Variants in SYS1 observed in about 807,000 individuals in gnomAD.
The protein encoded by SYS1 is protein SYS1 homolog.
In SYS1, 8 loss-of-function variants were observed where a neutral mutation model predicts 17.8. That is an observed-to-expected ratio of 0.45 (90% CI 0.26 to 0.81). The LOEUF is 0.81. SYS1 is among the 40% of genes least tolerant of loss of function. SYS1 has a pLI of 0.16. For synonymous variants in SYS1, 95 were observed against 90.9 expected, an observed-to-expected ratio of 1.05 and a Z score of -0.26; for missense variants, 161 against 203.9, an observed-to-expected ratio of 0.79 and a Z score of 1.28.
At chr20:45,369,422 G>A (rs1436737283), downstream of SYS1, among the ~76,000 whole-genome samples, 13 of 152,062 alleles carry the variant, frequency 8.5e-5, no homozygotes. Context: ...AGTAGTTAGG[G>A]ATGTATAAGT....
chr20:45,373,584 G>A (rs1190329546), downstream of SYS1: 2 of 398,352 alleles, frequency 5.0e-6, no homozygotes, highest in South Asian at 3.1e-5. Context: ...GCCTGGGCAA[G>A]TTACTTGCTG....
Position 45,367,964 on chromosome 20 carries a change from A to G in SYS1, c.*849A>G. 1.0e-6 allele frequency: 1 copy of G among 985,422 alleles called. No individual in the cohort carries two copies. Among genetic ancestry groups the G allele is most frequent in the Non-Finnish European group, 1.2e-6 (1 of 829,924 alleles). 61.0% of individuals were successfully genotyped at this position (985,422 alleles called of 1,614,324 possible). ...CGGGAAGGGTATGATGGGTTCCCAGAGACAAGAAGCCCAACCTTCTGGCCT... is the reference window on the plus strand; with the variant it reads ...CGGGAAGGGTATGATGGGTTCCCAGGGACAAGAAGCCCAACCTTCTGGCCT... On this transcript the variant is annotated 3_prime_UTR_variant, in exon 4 of 4. Coordinates refer to ENST00000243918, the MANE Select transcript of SYS1 (RefSeq NM_033542.4).
chr20:45,369,434 C>G (rs1232502171), downstream of SYS1, among the ~76,000 whole-genome samples: 5 of 152,174 alleles, frequency 3.3e-5, no homozygotes, highest in Admixed American at 3.3e-4. Context: ...TGTATAAGTT[C>G]TGACTGGCTA....
chr20:45,375,450 C>T (rs1195329154), exon 4 of SYS1: 1 of 1,614,086 alleles, frequency 6.2e-7, no homozygotes, highest in South Asian at 1.1e-5. Flanking sequence ...TCTTAGGGTC[C>T]CCTGTGGACT....
At chr20:45,371,878 C>T (rs1188890793), downstream of SYS1, among the ~76,000 whole-genome samples, 2 of 152,220 alleles carry the variant, frequency 1.3e-5, no homozygotes, top group Non-Finnish European at 2.9e-5. Flanking sequence ...CAATGCCCCA[C>T]AAACTGGCTT....
chr20:45,373,906 C>A, downstream of SYS1: 1 of 1,613,738 alleles, frequency 6.2e-7, no homozygotes, highest in Non-Finnish European at 8.5e-7. Flanking sequence ...TATGGAAGAT[C>A]TTATTTGTAG....
chr20:45,366,149 G>C (rs1208059075), intron 3 of SYS1, among the ~76,000 whole-genome samples: 3 of 152,210 alleles, frequency 2.0e-5, no homozygotes, highest in African/African-American at 7.2e-5. Context: ...GTCAGGCTCT[G>C]GAGGCAGACT....
chr20:45,364,586 C>T (rs965216343), intron 2 of SYS1, among the ~76,000 whole-genome samples: 9 of 148,796 alleles, frequency 6.0e-5, no homozygotes, highest in Non-Finnish European at 1.2e-4. Context: ...ATTCTCCTGC[C>T]TCAGCCTCCC....
upstream of SYS1, among the ~76,000 whole-genome samples, chr20:45,362,754 C>CTTGA (rs1988261934): frequency 6.6e-6 from 1 of 152,200 alleles, no homozygotes; most frequent in African/African-American, 2.4e-5. Flanking sequence ...GCTTAACTAT[C>CTTGA]TGTACAGCGG....
At chr20:45,366,750 C>T in intron 3 of SYS1, 125 bp from the exon 4 acceptor site, 2 of 790,764 alleles carry the variant, frequency 2.5e-6, no homozygotes, top group Non-Finnish European at 4.3e-6. Flanking sequence ...GGTATCATAA[C>T]CCTTGCTTCA....
rs375378694 is a variant in SYS1, at chr20:45,363,175, C to T, written c.-144C>T. The T allele has an allele frequency of 7.6e-6, 8 of 1,047,464 alleles. No individual in the cohort carries two copies. The highest frequency in any genetic ancestry group is 4.5e-4 in the Middle Eastern group (1 of 2,222). 64.9% of individuals were successfully genotyped at this position (1,047,464 alleles called of 1,614,324 possible). ...ACGTTTCTTTCCTACGCAGCCGCTC[C>T]TGCCGCCGTGGTCGCTGGAGCTTTG... On this transcript the variant is annotated 5_prime_UTR_variant, in exon 1 of 4. Transcript: ENST00000243918.
chr20:45,365,073 C>G (rs926937513), intron 2 of SYS1: 8 of 209,168 alleles, frequency 3.8e-5, no homozygotes, highest in African/African-American at 1.9e-4. Flanking sequence ...CTGGGAAGAG[C>G]TGTGGGAATG....
chr20:45,373,113 A>G (rs1276458191), downstream of SYS1: 1 of 152,336 alleles, frequency 6.6e-6, no homozygotes, highest in Non-Finnish European at 1.5e-5. Context: ...TCGTCCGGAG[A>G]AAACTCGGGC....
At chr20:45,372,335 A>G (rs1988580622), downstream of SYS1, among the ~76,000 whole-genome samples, 1 of 152,212 alleles carries the variant, frequency 6.6e-6, no homozygotes, top group Non-Finnish European at 1.5e-5. Flanking sequence ...TGGCGTTCCC[A>G]GTGGGCAACT....
At chr20:45,376,716 A>G (rs1044689440) in exon 4 of SYS1, 8 of 152,390 alleles carry the variant, frequency 5.2e-5, no homozygotes, top group Non-Finnish European at 1.2e-4. Context: ...TAATACTGTC[A>G]TGTGACTTAT....
downstream of SYS1, among the ~76,000 whole-genome samples, chr20:45,370,365 C>G (rs79524902): frequency 8.8e-3 from 1,338 of 152,264 alleles, 19 homozygotes; most frequent in African/African-American, 0.03. Context: ...TGAAGTTGAC[C>G]TCCCTTTTTC....
chr20:45,368,709 C>T lies in SYS1; in HGVS notation c.*1594C>T. On this transcript the variant is annotated 3_prime_UTR_variant, in exon 4 of 4. Transcript: ENST00000243918. ...GGAAGGAAGCAGTTTGTTAATGAGG[C>T]ACAGTAATCCTGGCTGCAGGGTCTA... 1 of 985,438 alleles carries T rather than the reference C, an allele frequency of 1.0e-6. No homozygotes were observed. Among genetic ancestry groups the T allele is most frequent in the Non-Finnish European group, 1.2e-6 (1 of 829,956 alleles). The allele number at this position is 985,438 out of a possible 1,614,324, so 61.0% of individuals were successfully genotyped here.
chr20:45,366,774 A>T, intron 3 of SYS1, 101 bp from the exon 4 acceptor site: 2 of 965,650 alleles, frequency 2.1e-6, no homozygotes, highest in Non-Finnish European at 3.2e-6. Flanking sequence ...TTATCTCGTC[A>T]CTTCTGACCA....
Position 45,367,557 on chromosome 20 carries a change from G to T in SYS1, c.*442G>T. 1 of 996,034 alleles carries T rather than the reference G, an allele frequency of 1.0e-6. No individual in the cohort carries two copies. Among genetic ancestry groups the T allele is most frequent in the Non-Finnish European group, 1.2e-6 (1 of 835,650 alleles). 61.7% of individuals were successfully genotyped at this position (996,034 alleles called of 1,614,324 possible). On this transcript the variant is annotated 3_prime_UTR_variant, in exon 4 of 4. Coordinates refer to ENST00000243918, the MANE Select transcript of SYS1 (RefSeq NM_033542.4). ...CAGCAGTTACCTTTGCAGTGTTGCC[G>T]AATCACAGCAGTTCTGTTGGAGAAA...
Sources: allele counts gnomAD v4.1 joint callset (sites outside exome capture counted in the v4.1 genomes callset), GRCh38; gene constraint gnomAD v4.1.1; transcripts MANE v1.5; gene names NCBI Gene and HGNC (gene_info 2026-07-23, HGNC 2026-07-21).